Variants in PYROXD1 observed in about 807,000 individuals in gnomAD.
PYROXD1 encodes pyridine nucleotide-disulphide oxidoreductase domain 1, also known as tRNA ligase complex-associated NAD(P)H dehydrogenase PYROXD1.
In PYROXD1, 42 loss-of-function variants were observed where a neutral mutation model predicts 62.0. That is an observed-to-expected ratio of 0.68 (90% confidence interval 0.53 to 0.88). The LOEUF (loss-of-function observed/expected upper bound fraction) is 0.88. PYROXD1 is among the 40% of genes least tolerant of loss of function. PYROXD1 has a pLI of 0.00. For synonymous variants in PYROXD1, 170 were observed against 206.4 expected (o/e 0.82, Z 1.51); for missense variants, 493 against 604.8 (o/e 0.82, Z 1.94).
chr12:21,445,408 G>A lies in PYROXD1; in HGVS notation c.227G>A (p.Arg76His), dbSNP rs766064850. ...EEQSSTMLGKRFPNIKVIESG... is the reference protein window; with the variant it reads ...EEQSSTMLGKHFPNIKVIESG... ...CAATCAAGTACCATGTTAGGAAAAC[G>A]CTTTCCCAACATTAAGGTTATAGAA... Residue 76 changes from arginine to histidine, a missense_variant, in exon 3 of 12, where the codon CGC (arginine) becomes CAC (histidine). Around this residue, in one of 2 missense-constraint regions of PYROXD1, gnomAD observed 164 missense variants for 158.2 expected, o/e 1.04. Coordinates refer to ENST00000240651, the MANE Select transcript of PYROXD1 (RefSeq NM_024854.5). 13 of 1,609,286 alleles carry A rather than the reference G, an allele frequency of 8.1e-6. No homozygotes were observed. The African/African-American group carries it at 9.3e-5, about 12-fold the overall frequency.
At chr12:21,439,594 C>A (rs1565542120) in intron 1 of PYROXD1, among the ~76,000 whole-genome samples, 1 of 151,888 alleles carries the variant, frequency 6.6e-6, no homozygotes, top group Non-Finnish European at 1.5e-5. Context: ...ATGGCAAGAT[C>A]CCATCTCCAT....
At chr12:21,449,458 A>G (rs534267016) in intron 3 of PYROXD1, 105 bp from the exon 4 acceptor site, 62 of 1,057,364 alleles carry the variant, frequency 5.9e-5, no homozygotes, top group Non-Finnish European at 7.3e-5. Context: ...CAACCTTAAT[A>G]TATTATGTTT....
rs142183410 is a variant in PYROXD1, at chr12:21,443,648, T to A, written c.166-1699T>A. On this transcript the variant is annotated intron_variant, in intron 2 of 11. Transcript: ENST00000240651. ...TATAAAGCCTATGCAAAATAAAATT[T>A]CTAAAATGTCGAAAAACGTACATTC... is the stretch of plus-strand genomic sequence containing the variant. Among the ~76,000 whole-genome samples, 15 of 152,308 alleles carry A rather than the reference T, an allele frequency of 9.8e-5. No homozygotes were observed. In the East Asian group the frequency reaches 2.9e-3, roughly 29 times the overall value.
At chr12:21,442,443 T>C (rs1489772956) in intron 2 of PYROXD1, among the ~76,000 whole-genome samples, 1 of 152,204 alleles carries the variant, frequency 6.6e-6, no homozygotes, top group Admixed American at 6.5e-5. Context: ...CAATGGCAGC[T>C]GAGCCAGTGC....
intron 7 of PYROXD1, among the ~76,000 whole-genome samples, 156 bp downstream of exon 7, chr12:21,456,251 C>T (rs901323588): frequency 6.6e-6 from 1 of 152,106 alleles, no homozygotes; most frequent in Admixed American, 6.6e-5. Context: ...GCAGTTGGTC[C>T]ATTTGGCCAC....
rs569594951 is a variant in PYROXD1 at position 21,452,163 on chromosome 12, A to G, written c.488+9A>G. The G allele has an allele frequency of 2.8e-6, 4 of 1,431,292 alleles. No homozygotes were observed. Among genetic ancestry groups the G allele is most frequent in the Admixed American group, 2.3e-5 (1 of 44,116 alleles). The allele number at this position is 1,431,292 out of a possible 1,614,324, so 88.7% of individuals were successfully genotyped here. Reference sequence around the variant, plus strand: ...ATTGCACTTGAGTTAGTGTAAGTATATATTTTTAAATATGATAACATTTAA... The same window carrying G: ...ATTGCACTTGAGTTAGTGTAAGTATGTATTTTTAAATATGATAACATTTAA... On this transcript the variant is annotated intron_variant, in intron 5 of 11. Transcript: ENST00000240651.
intron 7 of PYROXD1, among the ~76,000 whole-genome samples, chr12:21,457,833 C>CGTACCTCCAGTCACCTCCCACCAGGCT (rs1291724424): frequency 2.6e-5 from 4 of 152,304 alleles, no homozygotes; most frequent in East Asian, 1.9e-4. Context: ...CCCACCAGGC[C>CGTACCTCCAGTCACCTCCCACCAGGCT]GTACCTCCAA....
At chr12:21,448,396 G>A (rs993966181) in intron 3 of PYROXD1, 15 of 226,846 alleles carry the variant, frequency 6.6e-5, no homozygotes, top group African/African-American at 3.2e-4. Flanking sequence ...TTTAGCAGTA[G>A]CTAATGGAAA....
intron 7 of PYROXD1, among the ~76,000 whole-genome samples, chr12:21,456,348 G>C (rs2137270909): frequency 6.6e-6 from 1 of 152,166 alleles, no homozygotes; most frequent in South Asian, 2.1e-4. Context: ...TATATATACA[G>C]TCATACCTTG....
At chr12:21,440,126 G>T (rs1366112229) in intron 1 of PYROXD1, among the ~76,000 whole-genome samples, 1 of 152,070 alleles carries the variant, frequency 6.6e-6, no homozygotes, top group Non-Finnish European at 1.5e-5. Flanking sequence ...CACTTTTCTT[G>T]TTCAGGAGTT....
chr12:21,442,968 C>T (rs150403849), intron 2 of PYROXD1, among the ~76,000 whole-genome samples: 32 of 151,954 alleles, frequency 2.1e-4, no homozygotes, highest in African/African-American at 7.7e-4. Context: ...TTTAATGGGC[C>T]GTTGAGCCCT....
In PYROXD1 at chr12:21,441,047, G is replaced by C. The variant is rs1273229963; in HGVS notation, c.165+599G>C. Among the ~76,000 whole-genome samples, 5 of 152,034 alleles carry C rather than the reference G, an allele frequency of 3.3e-5. No individual in the cohort carries two copies. In the East Asian group the frequency reaches 7.7e-4, roughly 24 times the overall value. On this transcript the variant is annotated intron_variant, in intron 2 of 11. Coordinates refer to ENST00000240651, the MANE Select transcript of PYROXD1 (RefSeq NM_024854.5). ...GAATTGATTGCTTTTTTTTGAGATG[G>C]AGTCTCACCCTGTTGCCCAGACTGG...
At chr12:21,458,591 A>G (rs765975508) in intron 7 of PYROXD1, among the ~76,000 whole-genome samples, 13 of 152,310 alleles carry the variant, frequency 8.5e-5, no homozygotes, top group Non-Finnish European at 1.9e-4. Context: ...AAAGTGAGAG[A>G]TGTGTGATCC....
chr12:21,463,796 T>C (rs1393559516), intron 10 of PYROXD1, among the ~76,000 whole-genome samples: 10 of 151,806 alleles, frequency 6.6e-5, no homozygotes, highest in Admixed American at 6.6e-4. Context: ...ACCTACCTCC[T>C]CCTAACGGTG....
intron 3 of PYROXD1, chr12:21,448,043 G>T: frequency 6.0e-6 from 3 of 497,826 alleles, no homozygotes; most frequent in South Asian, 5.7e-5. Flanking sequence ...CTCTAAAATT[G>T]ACCTCATTGG....
rs1942932721 is a variant in PYROXD1, at chr12:21,470,836, T to C, written c.*2082T>C. 1.8e-6 allele frequency: 1 copy of C among 554,582 alleles called. No individual in the cohort carries two copies. 34.4% of individuals were successfully genotyped at this position (554,582 alleles called of 1,614,324 possible). A position where few individuals can be genotyped will look rare whatever the true frequency, so the allele number is the denominator to read the frequency against. On this transcript the variant is annotated 3_prime_UTR_variant, in exon 12 of 12. Coordinates refer to ENST00000240651, the MANE Select transcript of PYROXD1 (RefSeq NM_024854.5). ...AGAAAACTATATTTTCTCTCTTCCA[T>C]ACCCAGAAATCTAATCAGAAAACTG...
rs143382438 is a variant in PYROXD1, at chr12:21,461,106, A to C, written c.832A>C (p.Lys278Gln). The C allele has an allele frequency of 2.6e-4, 413 of 1,591,946 alleles. No individual in the cohort carries two copies. The highest frequency in any genetic ancestry group is 3.4e-4 in the Non-Finnish European group (400 of 1,169,584). The change falls in exon 8 of 12, where the codon AAG becomes CAG. Residue 278 changes from lysine to glutamine, a missense_variant. Coordinates refer to ENST00000240651, the MANE Select transcript of PYROXD1 (RefSeq NM_024854.5). ...LQDEFRILKK[K>Q]SFTFPRDHKS... Reference sequence around the variant, plus strand: ...GGATGAGTTTAGAATTTTGAAGAAAAAGTCCTTCACTTTTCCAAGAGACCA... The same window carrying C: ...GGATGAGTTTAGAATTTTGAAGAAACAGTCCTTCACTTTTCCAAGAGACCA...
chr12:21,467,725 C>A, intron 11 of PYROXD1, 107 bp downstream of exon 11: 2 of 866,000 alleles, frequency 2.3e-6, no homozygotes, highest in African/African-American at 1.7e-5. Context: ...TTTTAATCAT[C>A]TACAAAAAAA....
chr12:21,450,822 T>C (rs540631107), intron 4 of PYROXD1, among the ~76,000 whole-genome samples: 104 of 152,322 alleles, frequency 6.8e-4, no homozygotes, highest in African/African-American at 2.4e-3. Flanking sequence ...TTTAGCTCGG[T>C]CCTCTACATA....
Sources: allele counts gnomAD v4.1 joint callset (sites outside exome capture counted in the v4.1 genomes callset), GRCh38; gene constraint gnomAD v4.1.1; regional missense constraint gnomAD v4.1.1; transcripts MANE v1.5; gene names NCBI Gene and HGNC (gene_info 2026-07-23, HGNC 2026-07-21).